NF2: variants seen among roughly 807,000 people sequenced by gnomAD.
NF2 encodes merlin.
NF2 carries 8 observed loss-of-function variants against 83.7 expected under a neutral mutation model. That is an observed-to-expected ratio of 0.10 (90% CI 0.06 to 0.17). The LOEUF is 0.17. Ranked by LOEUF, NF2 falls within the 10% of genes least tolerant of loss-of-function variation. NF2 has a pLI of 1.00. For missense variants in NF2, 533 were observed against 744.4 expected (o/e 0.72, Z 3.31); for synonymous variants, 266 against 269.6 (o/e 0.99, Z 0.13).
Position 29,644,852 on chromosome 22 carries a change from G to C in NF2, c.447+2567G>C, listed in dbSNP as rs1417357713. On this transcript the variant is annotated intron_variant, in intron 4 of 15. Transcript: ENST00000338641. Reference sequence around the variant, plus strand: ...AGGAGAATCAGGCAGGGAGGTTGCAGTGAGCCGAGATGGCAGCAGTATAGT... The same window carrying C: ...AGGAGAATCAGGCAGGGAGGTTGCACTGAGCCGAGATGGCAGCAGTATAGT... Among the ~76,000 whole-genome samples, 5 of 152,224 alleles carry C rather than the reference G, an allele frequency of 3.3e-5. No individual in the cohort carries two copies. The South Asian group carries it at 6.2e-4, about 19-fold the overall frequency.
At chr22:29,606,079 C>CA (rs745396306) in intron 1 of NF2, among the ~76,000 whole-genome samples, 10 of 152,206 alleles carry the variant, frequency 6.6e-5, no homozygotes, top group Admixed American at 2.0e-4. Context: ...ATCAGCCTCC[C>CA]AAGTAGCTGG....
intron 6 of NF2, among the ~76,000 whole-genome samples, chr22:29,656,616 G>A (rs1210304977): frequency 6.6e-6 from 1 of 151,788 alleles, no homozygotes; most frequent in East Asian, 1.9e-4. Context: ...GTTTCACTGT[G>A]TTAGCCGGGA....
At chr22:29,680,604 A>G (rs1033893440) in intron 14 of NF2, among the ~76,000 whole-genome samples, 14 of 152,276 alleles carry the variant, frequency 9.2e-5, no homozygotes, top group Middle Eastern at 6.8e-3. Context: ...CCAGATTTTC[A>G]CCATCATAGA....
At chr22:29,612,532 G>T (rs2064979486) in intron 1 of NF2, among the ~76,000 whole-genome samples, 1 of 151,568 alleles carries the variant, frequency 6.6e-6, no homozygotes, top group South Asian at 2.1e-4. Context: ...TAGAGACAGA[G>T]TCTCCCTGTG....
At chr22:29,656,404 ATTC>A (rs951329019) in intron 6 of NF2, among the ~76,000 whole-genome samples, 2 of 122,962 alleles carry the variant, frequency 1.6e-5, no homozygotes, top group African/African-American at 6.2e-5. Flanking sequence ...CTGGGGATAT[ATTC>A]TTTTTTTTTT....
chr22:29,655,761 G>A (rs1028159230), intron 6 of NF2, 85 bp downstream of exon 6: 13 of 1,090,796 alleles, frequency 1.2e-5, no homozygotes, highest in Admixed American at 2.1e-5. Flanking sequence ...ACTAGGACAT[G>A]CTTGTTAAAC....
In NF2 at chr22:29,636,659, C is replaced by T. The variant is rs764604694; in HGVS notation, c.115-92C>T. 9.0e-6 allele frequency: 14 copies of T among 1,553,964 alleles called. No individual in the cohort carries two copies. Among genetic ancestry groups the T allele is most frequent in the African/African-American group, 5.4e-5 (4 of 73,800 alleles). On this transcript the variant is annotated intron_variant, in intron 1 of 15. Transcript: ENST00000338641. This position sits in a 1 kb window ranked among gnomAD's most constrained non-coding sequence, Gnocchi z 4.4. ...ATCAGCTGTCTTAGTGTCATCCCCACGTTTTGGAACCTGAGAGTGGAGAGT... is the reference window on the plus strand; with the variant it reads ...ATCAGCTGTCTTAGTGTCATCCCCATGTTTTGGAACCTGAGAGTGGAGAGT...
intron 1 of NF2, among the ~76,000 whole-genome samples, chr22:29,631,625 T>A (rs2065514505): frequency 6.6e-6 from 1 of 152,200 alleles, no homozygotes; most frequent in Admixed American, 6.5e-5. Context: ...CTGTCATCCA[T>A]CATCCTTGGT....
chr22:29,672,564 A>G (rs531793036), intron 11 of NF2, among the ~76,000 whole-genome samples: 187 of 151,766 alleles, frequency 1.2e-3, no homozygotes, highest in South Asian at 0.011. Context: ...TGCCCGCCTC[A>G]GCCTCCCAAA....
chr22:29,647,690 G>A (rs2146933110), intron 4 of NF2, among the ~76,000 whole-genome samples: 1 of 152,116 alleles, frequency 6.6e-6, no homozygotes, highest in African/African-American at 2.4e-5. Flanking sequence ...TTTACAGAAT[G>A]GTATTTTTCT....
At chr22:29,614,940 T>A (rs971810737) in intron 1 of NF2, among the ~76,000 whole-genome samples, 1 of 152,164 alleles carries the variant, frequency 6.6e-6, no homozygotes, top group East Asian at 1.9e-4. Flanking sequence ...TCCTAGCACT[T>A]TGGGAGGCTG....
intron 1 of NF2, among the ~76,000 whole-genome samples, chr22:29,622,738 C>T (rs1374829617): frequency 1.4e-5 from 2 of 148,074 alleles, no homozygotes; most frequent in Non-Finnish European, 3.0e-5. Context: ...TCACTGCAAC[C>T]TCCACCTCCC....
In NF2 at chr22:29,698,412, G is replaced by A. The variant is rs2067613106; in HGVS notation, c.*3610G>A. The A allele has an allele frequency of 4.5e-6, 1 of 220,470 alleles. No homozygotes were observed. Among genetic ancestry groups the A allele is most frequent in the African/African-American group, 2.2e-5 (1 of 44,546 alleles). 13.7% of individuals were successfully genotyped at this position (220,470 alleles called of 1,614,324 possible). On this transcript the variant is annotated 3_prime_UTR_variant, in exon 16 of 16. Transcript: ENST00000338641. ...AGACAGCCTGGCCCAGTGACCCTGG[G>A]CCCAAGCCAGCCCCTCCAGGGCTTT... is the stretch of plus-strand genomic sequence containing the variant.
chr22:29,677,054 TTC>T lies in NF2; in HGVS notation c.1447-1141_1447-1140del, dbSNP rs1452813935. On this transcript the variant is annotated intron_variant, in intron 13 of 15. Coordinates refer to ENST00000338641, the MANE Select transcript of NF2 (RefSeq NM_000268.4). ...GCCTTGAGAATGTCTCAAATGAATG[TTC>T]CAAGCCTCTGCTCTTTCCCAGACAC... is the stretch of plus-strand genomic sequence containing the variant. Among the ~76,000 whole-genome samples, 5 of 126,414 alleles carry T rather than the reference TTC, an allele frequency of 4.0e-5. No individual in the cohort carries two copies. In the East Asian group the frequency reaches 1.1e-3, roughly 27 times the overall value. The allele number at this position is 126,414 out of a possible 152,430, so 82.9% of individuals were successfully genotyped here.
intron 5 of NF2, among the ~76,000 whole-genome samples, chr22:29,655,382 A>G (rs1468956496): frequency 6.6e-6 from 1 of 152,174 alleles, no homozygotes; most frequent in Non-Finnish European, 1.5e-5. Flanking sequence ...GGTTGCACCT[A>G]GGTCTGAGTT....
Position 29,639,077 on chromosome 22 carries a change from T to C in NF2, c.241-13T>C, listed in dbSNP as rs2065727376. 6.2e-7 allele frequency: 1 copy of C among 1,614,254 alleles called. No individual in the cohort carries two copies. Among genetic ancestry groups the C allele is most frequent in the African/African-American group, 1.3e-5 (1 of 75,076 alleles). On this transcript the variant is annotated splice_polypyrimidine_tract_variant and intron_variant, in intron 2 of 15. Transcript: ENST00000338641. Reference sequence around the variant, plus strand: ...AATATAGTGTGTTTGTCTTTTGCTCTGCAATTCTGCAGGTACTGGATCATG... The same window carrying C: ...AATATAGTGTGTTTGTCTTTTGCTCCGCAATTCTGCAGGTACTGGATCATG...
At position 29,636,882 on chromosome 22, in the gene NF2, G is replaced by A. The variant is rs771417406; in HGVS notation, c.240+6G>A. Reference sequence around the variant, plus strand: ...GGCTCAAAATGGACAAGAAGGTTGGGCTAGAACTCGATGAAACTGGTGGGG... The same window carrying A: ...GGCTCAAAATGGACAAGAAGGTTGGACTAGAACTCGATGAAACTGGTGGGG... On this transcript the variant is annotated splice_donor_region_variant and intron_variant, in intron 2 of 15. Coordinates refer to ENST00000338641, the MANE Select transcript of NF2 (RefSeq NM_000268.4). This position sits in a 1 kb window ranked among gnomAD's most constrained non-coding sequence, Gnocchi z 4.4. 2 of 1,614,026 alleles carry A rather than the reference G, an allele frequency of 1.2e-6. No individual in the cohort carries two copies. The highest frequency in any genetic ancestry group is 1.7e-6 in the Non-Finnish European group (2 of 1,180,038).
At chr22:29,639,042 A>T (rs370474855) in intron 2 of NF2, 48 bp from the exon 3 acceptor site, 1 of 1,613,808 alleles carries the variant, frequency 6.2e-7, no homozygotes, top group African/African-American at 1.3e-5. Flanking sequence ...GTAGCACAGG[A>T]GGAAGTGCCA....
rs2038577940 is a variant in NF2, at chr22:29,621,021, T to C, written c.115-15730T>C. 6.6e-5 allele frequency among the ~76,000 whole-genome samples: 10 copies of C among 152,324 alleles called. No individual in the cohort carries two copies. The South Asian group carries it at 2.1e-3, about 32-fold the overall frequency. On this transcript the variant is annotated intron_variant, in intron 1 of 15. Transcript: ENST00000338641. ...GCTTAAAGGCTTAGTGCAGCCACTATCTATTCTGAAAGAGGCAGAATAGGA... is the reference window on the plus strand; with the variant it reads ...GCTTAAAGGCTTAGTGCAGCCACTACCTATTCTGAAAGAGGCAGAATAGGA...
Sources: allele counts gnomAD v4.1 joint callset (sites outside exome capture counted in the v4.1 genomes callset), GRCh38; gene constraint gnomAD v4.1.1; non-coding constraint Gnocchi (gnomAD v3.1); transcripts MANE v1.5; gene names NCBI Gene and HGNC (gene_info 2026-07-23, HGNC 2026-07-21).